Variants in ADAMTSL3 observed in about 807,000 individuals in gnomAD.
ADAMTSL3 encodes ADAMTS-like protein 3.
Under a neutral mutation model 201.7 loss-of-function variants are expected in ADAMTSL3, and 128 were observed. That is an observed-to-expected ratio of 0.63 (90% CI 0.55 to 0.73). ADAMTSL3 has a LOEUF of 0.73. Ranked by LOEUF, ADAMTSL3 falls within the 30% of genes least tolerant of loss-of-function variation. The pLI, the probability that ADAMTSL3 is intolerant of heterozygous loss-of-function variation, is 0.00. For synonymous variants in ADAMTSL3, 738 were observed against 748.4 expected (o/e 0.99, Z 0.23); for missense variants, 1,990 against 2,119.6 (o/e 0.94, Z 1.20).
chr15:83,834,740 C>T (rs2064230497), intron 6 of ADAMTSL3, among the ~76,000 whole-genome samples: 1 of 152,162 alleles, frequency 6.6e-6, no homozygotes, highest in Non-Finnish European at 1.5e-5. Context: ...GTCTCATTAA[C>T]TACACTGTAA....
chr15:83,675,090 C>T (rs571702064), intron 2 of ADAMTSL3, among the ~76,000 whole-genome samples: 1 of 151,872 alleles, frequency 6.6e-6, no homozygotes, highest in Admixed American at 6.6e-5. Context: ...GTGTATTGAT[C>T]TTGTATCTTG....
chr15:83,774,096 TA>T (rs1184546518), intron 4 of ADAMTSL3, among the ~76,000 whole-genome samples: 1 of 152,244 alleles, frequency 6.6e-6, no homozygotes, highest in Non-Finnish European at 1.5e-5. Flanking sequence ...TGCAAAAATG[TA>T]AAATCAGCTT....
intron 16 of ADAMTSL3, among the ~76,000 whole-genome samples, chr15:83,914,775 C>T (rs1446420754): frequency 2.0e-5 from 3 of 152,250 alleles, no homozygotes; most frequent in Non-Finnish European, 4.4e-5. Flanking sequence ...CTTGCCCAAG[C>T]CAAACTCCTG....
chr15:83,715,407 C>T (rs1014314046), intron 3 of ADAMTSL3, among the ~76,000 whole-genome samples: 2 of 152,202 alleles, frequency 1.3e-5, no homozygotes, highest in African/African-American at 2.4e-5. Context: ...TGGAAATTAA[C>T]ATATATAACA....
intron 2 of ADAMTSL3, among the ~76,000 whole-genome samples, chr15:83,657,528 A>C (rs2061105040): frequency 6.6e-6 from 1 of 152,226 alleles, no homozygotes; most frequent in Admixed American, 6.5e-5. Flanking sequence ...TTTCACATCT[A>C]TACAGAGGAG....
At chr15:83,799,479 A>G (rs1049985611) in intron 4 of ADAMTSL3, among the ~76,000 whole-genome samples, 5 of 152,190 alleles carry the variant, frequency 3.3e-5, no homozygotes, top group African/African-American at 1.2e-4. Flanking sequence ...AATCATGGGA[A>G]ACACAGGTTT....
chr15:83,887,291 G>C (rs1427054838), intron 10 of ADAMTSL3, among the ~76,000 whole-genome samples: 1 of 152,108 alleles, frequency 6.6e-6, no homozygotes, highest in African/African-American at 2.4e-5. Context: ...ATTTACTAAA[G>C]GATTTTTCTT....
At chr15:83,827,467 T>C (rs945745090) in intron 6 of ADAMTSL3, among the ~76,000 whole-genome samples, 1 of 152,230 alleles carries the variant, frequency 6.6e-6, no homozygotes, top group Non-Finnish European at 1.5e-5. Flanking sequence ...AGGTTGCCTG[T>C]TCACTCTGAT....
At chr15:83,800,791 T>C (rs994243597) in intron 4 of ADAMTSL3, among the ~76,000 whole-genome samples, 2 of 152,310 alleles carry the variant, frequency 1.3e-5, no homozygotes, top group South Asian at 4.1e-4. Context: ...CAAAAAGCTT[T>C]TTGGTTATCA....
At chr15:83,721,449 G>C (rs550625478) in intron 3 of ADAMTSL3, among the ~76,000 whole-genome samples, 3 of 152,336 alleles carry the variant, frequency 2.0e-5, no homozygotes, top group Admixed American at 1.3e-4. Context: ...TGACGCTTCA[G>C]ACTCAGAAGC....
chr15:83,760,917 A>G (rs1228117531), intron 3 of ADAMTSL3, among the ~76,000 whole-genome samples: 2 of 152,032 alleles, frequency 1.3e-5, no homozygotes, highest in African/African-American at 4.8e-5. Context: ...TATCCTGACA[A>G]TCTGTCTTTT....
chr15:83,823,893 CTCTTCTTCTTCT>C (rs759090787), intron 6 of ADAMTSL3, among the ~76,000 whole-genome samples: 4,612 of 92,814 alleles, frequency 0.05, 188 homozygotes, highest in Middle Eastern at 0.058. Flanking sequence ...CTTCTTCTTC[CTCTTCTTCTTCT>C]TCTTCTTCTT....
intron 5 of ADAMTSL3, among the ~76,000 whole-genome samples, chr15:83,805,518 C>T (rs1021295691): frequency 3.3e-5 from 5 of 151,106 alleles, no homozygotes; most frequent in Non-Finnish European, 7.4e-5. Flanking sequence ...GATCGCGCCA[C>T]TGCACTCCAG....
Position 83,689,652 on chromosome 15 carries a change from A to T in ADAMTSL3, c.70-14737A>T, listed in dbSNP as rs150923840. 6.9e-3 allele frequency among the ~76,000 whole-genome samples: 1,049 copies of T among 152,308 alleles called. 8 individuals are homozygous for T. Among genetic ancestry groups the T allele is most frequent in the Middle Eastern group, 0.017 (5 of 294 alleles). On this transcript the variant is annotated intron_variant, in intron 2 of 29. Transcript: ENST00000286744. ...ACTGTTGATGGTTTATTTTTGTAAA[A>T]TGTTAGATTTATTTTGTCTTTTATT...
intron 20 of ADAMTSL3, among the ~76,000 whole-genome samples, chr15:83,980,088 T>G (rs1308120258): frequency 6.6e-6 from 1 of 151,924 alleles, no homozygotes; most frequent in East Asian, 1.9e-4. Flanking sequence ...TGAGAGCCAT[T>G]TTTTTTAGAG....
intron 15 of ADAMTSL3, among the ~76,000 whole-genome samples, chr15:83,911,036 A>G (rs1014340487): frequency 1.3e-5 from 2 of 152,224 alleles, no homozygotes; most frequent in African/African-American, 4.8e-5. Context: ...CATTAAAACA[A>G]AATCCCAATT....
chr15:83,934,928 A>G (rs1401972207), intron 17 of ADAMTSL3, among the ~76,000 whole-genome samples: 1 of 152,228 alleles, frequency 6.6e-6, no homozygotes, highest in African/African-American at 2.4e-5. Flanking sequence ...CATTATCTTA[A>G]GTGAAATAAC....
At chr15:83,692,482 G>A (rs574752458) in intron 2 of ADAMTSL3, among the ~76,000 whole-genome samples, 66 of 151,836 alleles carry the variant, frequency 4.3e-4, no homozygotes, top group Middle Eastern at 3.4e-3. Flanking sequence ...TCAGGAGATC[G>A]AGACCATCCT....
chr15:83,927,489 C>T (rs549550233), intron 17 of ADAMTSL3, among the ~76,000 whole-genome samples: 2 of 152,238 alleles, frequency 1.3e-5, no homozygotes, highest in African/African-American at 4.8e-5. Context: ...TGCACTGTAT[C>T]AGGTGTTTTG....
Sources: allele counts gnomAD v4.1 joint callset (sites outside exome capture counted in the v4.1 genomes callset), GRCh38; gene constraint gnomAD v4.1.1; transcripts MANE v1.5; gene names NCBI Gene and HGNC (gene_info 2026-07-23, HGNC 2026-07-21).